CFAP299: variants seen among roughly 807,000 people sequenced by gnomAD.
CFAP299 encodes cilia- and flagella-associated protein 299.
In CFAP299, 21 loss-of-function variants were observed where a neutral mutation model predicts 27.0. The ratio of observed to expected loss-of-function variants is 0.78; its 90% CI spans 0.55 to 1.12. The LOEUF (loss-of-function observed/expected upper bound fraction) is 1.12, where lower values mean the gene tolerates loss of function less well. Among genes scored for constraint, CFAP299 ranks in the 50% most tolerant of loss-of-function variants. The pLI is 0.00. For missense variants in CFAP299, 310 were observed against 276.6 expected, an observed-to-expected ratio of 1.12 and a Z score of -0.86; for synonymous variants, 104 against 98.1, an observed-to-expected ratio of 1.06 and a Z score of -0.36.
intron 1 of CFAP299, among the ~76,000 whole-genome samples, chr4:80,348,872 G>T (rs537581435): frequency 6.6e-6 from 1 of 152,214 alleles, no homozygotes; most frequent in Admixed American, 6.5e-5. Flanking sequence ...AACTAAATAA[G>T]TTTTGCTTCT....
At chr4:80,639,447 G>A (rs939888210) in intron 3 of CFAP299, among the ~76,000 whole-genome samples, 1 of 152,146 alleles carries the variant, frequency 6.6e-6, no homozygotes, top group African/African-American at 2.4e-5. Flanking sequence ...TGTTTAATTT[G>A]TGAGGAATCC....
In CFAP299 at chr4:80,546,186, C is replaced by T. The variant is rs527901684; in HGVS notation, c.243-36907C>T. On this transcript the variant is annotated intron_variant, in intron 2 of 5. Coordinates refer to ENST00000358105, the MANE Select transcript of CFAP299 (RefSeq NM_152770.3). ...GAAACATTAACCTTGAGAACTGGAG[C>T]ATGACAAGGATGCCTACTCTCACCA... 5.9e-5 allele frequency among the ~76,000 whole-genome samples: 9 copies of T among 152,252 alleles called. No individual in the cohort carries two copies. In the South Asian group the frequency reaches 1.7e-3, roughly 28 times the overall value.
chr4:80,839,288 CT>C (rs1273681943), intron 3 of CFAP299, among the ~76,000 whole-genome samples: 4 of 152,070 alleles, frequency 2.6e-5, no homozygotes, highest in African/African-American at 7.2e-5. Flanking sequence ...AAAGTATGTC[CT>C]GAGAAAATGA....
chr4:80,608,343 A>C lies in CFAP299; in HGVS notation c.333+25160A>C, dbSNP rs777456705. The stretch of plus-strand genomic sequence containing the variant: ...TTTAATTTGTTTAAGCTAAATCAAC[A>C]GGAGACTGATGCTGCTCATATCTTG... On this transcript the variant is annotated intron_variant, in intron 3 of 5. Coordinates refer to ENST00000358105, the MANE Select transcript of CFAP299 (RefSeq NM_152770.3). 3 of 1,530,884 alleles carry C rather than the reference A, an allele frequency of 2.0e-6. No individual in the cohort carries two copies. The South Asian group carries it at 3.6e-5, about 18-fold the overall frequency. 94.8% of individuals were successfully genotyped at this position (1,530,884 alleles called of 1,614,324 possible). A position where few individuals can be genotyped will look rare whatever the true frequency, so the allele number is the denominator to read the frequency against.
intron 2 of CFAP299, among the ~76,000 whole-genome samples, chr4:80,530,955 G>T (rs905358865): frequency 6.6e-6 from 1 of 152,102 alleles, no homozygotes; most frequent in East Asian, 1.9e-4. Context: ...GTAGGGCCTC[G>T]TATGTCAATA....
At chr4:80,667,890 A>T (rs1018734196) in intron 3 of CFAP299, among the ~76,000 whole-genome samples, 9 of 151,740 alleles carry the variant, frequency 5.9e-5, no homozygotes, top group African/African-American at 2.2e-4. Flanking sequence ...TTTTTTAGGA[A>T]CCTCCATATA....
At chr4:80,552,117 T>C (rs1734551324) in intron 2 of CFAP299, among the ~76,000 whole-genome samples, 1 of 152,236 alleles carries the variant, frequency 6.6e-6, no homozygotes, top group South Asian at 2.1e-4. Flanking sequence ...CTTTGAATTA[T>C]GTGTTTAAAT....
intron 2 of CFAP299, among the ~76,000 whole-genome samples, chr4:80,490,182 A>T (rs1057067853): frequency 6.6e-6 from 1 of 152,162 alleles, no homozygotes; most frequent in African/African-American, 2.4e-5. Context: ...TAGTAAGCAA[A>T]ACTTTCTTTT....
At chr4:80,675,114 T>G (rs1184447424) in intron 3 of CFAP299, among the ~76,000 whole-genome samples, 1 of 152,250 alleles carries the variant, frequency 6.6e-6, no homozygotes, top group Non-Finnish European at 1.5e-5. Flanking sequence ...CTTTGGTTTT[T>G]AGAATTTTCA....
At chr4:80,355,967 T>C (rs1415474595) in intron 1 of CFAP299, among the ~76,000 whole-genome samples, 3 of 152,202 alleles carry the variant, frequency 2.0e-5, no homozygotes, top group African/African-American at 7.2e-5. Flanking sequence ...GTTATAGTTT[T>C]GGGTTTTACA....
rs148408554 is a variant in CFAP299, at chr4:80,373,655, C to A, written c.242+10771C>A. Among the ~76,000 whole-genome samples, 950 of 152,174 alleles carry A rather than the reference C, an allele frequency of 6.2e-3. 2 individuals are homozygous for A. Among genetic ancestry groups the A allele is most frequent in the Middle Eastern group, 0.024 (7 of 294 alleles). ...CCATCTTCATAACTTTCTGCAGTGC[C>A]CTTGGTGGTCATTGGGCACATTACA... On this transcript the variant is annotated intron_variant, in intron 2 of 5. Coordinates refer to ENST00000358105, the MANE Select transcript of CFAP299 (RefSeq NM_152770.3).
At chr4:80,498,727 G>A (rs1731582483) in intron 2 of CFAP299, among the ~76,000 whole-genome samples, 1 of 152,078 alleles carries the variant, frequency 6.6e-6, no homozygotes, top group South Asian at 2.1e-4. Flanking sequence ...ATTTGACTCA[G>A]CAATCGGATT....
intron 1 of CFAP299, among the ~76,000 whole-genome samples, chr4:80,337,226 A>G (rs1578327168): frequency 6.6e-6 from 1 of 152,234 alleles, no homozygotes; most frequent in East Asian, 1.9e-4. Flanking sequence ...AAACATCTTG[A>G]TAGACTAAAA....
At chr4:80,688,367 A>G (rs1450517915) in intron 3 of CFAP299, among the ~76,000 whole-genome samples, 4 of 151,720 alleles carry the variant, frequency 2.6e-5, no homozygotes, top group Non-Finnish European at 5.9e-5. Context: ...TGCCTCCTCA[A>G]GTGGGTCCCT....
At chr4:80,865,297 C>A (rs568796992) in intron 3 of CFAP299, among the ~76,000 whole-genome samples, 112 of 152,250 alleles carry the variant, frequency 7.4e-4, no homozygotes, top group Non-Finnish European at 1.8e-4. Flanking sequence ...GCAAAATATG[C>A]ATTTTGAAAT....
chr4:80,749,210 A>G (rs1275119578), intron 3 of CFAP299, among the ~76,000 whole-genome samples: 1 of 152,196 alleles, frequency 6.6e-6, no homozygotes, highest in Non-Finnish European at 1.5e-5. Flanking sequence ...TCTGGGATGC[A>G]GTACTGAGTA....
At chr4:80,462,794 T>G (rs556452565) in intron 2 of CFAP299, among the ~76,000 whole-genome samples, 1 of 152,126 alleles carries the variant, frequency 6.6e-6, no homozygotes. Context: ...CATTAGTCTA[T>G]TACTCAGCAA....
chr4:80,534,664 T>G (rs1456128397), intron 2 of CFAP299, among the ~76,000 whole-genome samples: 1 of 152,094 alleles, frequency 6.6e-6, no homozygotes, highest in African/African-American at 2.4e-5. Flanking sequence ...GTTTAAAGTA[T>G]AAAGATACTT....
intron 3 of CFAP299, among the ~76,000 whole-genome samples, chr4:80,644,070 T>C (rs1739861272): frequency 6.6e-6 from 1 of 152,158 alleles, no homozygotes. Flanking sequence ...TGTGTAGTTA[T>C]TAGAAAATAA....
Sources: gnomAD v4.1 joint callset for allele counts (sites outside exome capture counted in the v4.1 genomes callset) on GRCh38, gnomAD v4.1.1 for gene constraint, MANE v1.5 for transcripts, NCBI Gene and HGNC (gene_info 2026-07-23, HGNC 2026-07-21) for gene names.